The following BTC variants were observed in gnomAD, a reference collection of about 807,000 sequenced individuals.
BTC encodes the protein probetacellulin.
BTC carries 13 observed loss-of-function variants against 18.1 expected under a neutral mutation model. The ratio of observed to expected loss-of-function variants is 0.72; its 90% CI spans 0.47 to 1.14. The LOEUF (loss-of-function observed/expected upper bound fraction) is 1.14, where lower values mean the gene tolerates loss of function less well. BTC is among the 50% of genes most tolerant of loss of function. The pLI is 0.00. For synonymous variants in BTC, 83 were observed against 79.4 expected, an observed-to-expected ratio of 1.05 and a Z score of -0.24; for missense variants, 247 against 224.2, an observed-to-expected ratio of 1.10 and a Z score of -0.65.
chr4:74,777,666 A>G (rs72867585), intron 1 of BTC, among the ~76,000 whole-genome samples: 40,741 of 151,918 alleles, frequency 0.27, 8,039 homozygotes, highest in African/African-American at 0.56. Flanking sequence ...TAGAAATATG[A>G]CACCTTCTAC....
intron 2 of BTC, among the ~76,000 whole-genome samples, chr4:74,768,015 C>T (rs1264354710): frequency 1.3e-5 from 2 of 151,948 alleles, no homozygotes; most frequent in Non-Finnish European, 2.9e-5. Context: ...GTGACAAAAG[C>T]AAAATAAACA....
chr4:74,787,660 A>G (rs1474644061), intron 1 of BTC, among the ~76,000 whole-genome samples: 1 of 152,234 alleles, frequency 6.6e-6, no homozygotes, highest in Non-Finnish European at 1.5e-5. Flanking sequence ...ATCAATAAGC[A>G]TAAAAGCAGG....
At chr4:74,773,073 G>T (rs1725087308) in intron 1 of BTC, among the ~76,000 whole-genome samples, 1 of 152,228 alleles carries the variant, frequency 6.6e-6, no homozygotes, top group Admixed American at 6.5e-5. Flanking sequence ...AGCATGAGCT[G>T]CTCCTCTTCC....
At chr4:74,782,340 G>A (rs1254282582) in intron 1 of BTC, among the ~76,000 whole-genome samples, 1 of 152,202 alleles carries the variant, frequency 6.6e-6, no homozygotes, top group African/African-American at 2.4e-5. Context: ...CCGCTTATAA[G>A]TGAGAACAAT....
At chr4:74,746,842 A>G (rs548435785) in intron 5 of BTC, among the ~76,000 whole-genome samples, 167 bp from the exon 6 acceptor site, 1 of 152,310 alleles carries the variant, frequency 6.6e-6, no homozygotes, top group Non-Finnish European at 1.5e-5. Context: ...TACCAACCCC[A>G]TTAAGCTGCT....
intron 1 of BTC, among the ~76,000 whole-genome samples, chr4:74,776,319 G>C (rs1343517456): frequency 6.6e-6 from 1 of 151,776 alleles, no homozygotes; most frequent in Admixed American, 6.6e-5. Context: ...TGTTTTGCAG[G>C]ACCTGAAGAA....
intron 1 of BTC, among the ~76,000 whole-genome samples, chr4:74,779,781 A>G (rs1254798481): frequency 6.6e-6 from 1 of 152,124 alleles, no homozygotes; most frequent in African/African-American, 2.4e-5. Flanking sequence ...AAGCCCCAGA[A>G]CTTAAACCCT....
chr4:74,767,254 T>C (rs1724924974), intron 2 of BTC, among the ~76,000 whole-genome samples: 1 of 150,992 alleles, frequency 6.6e-6, no homozygotes, highest in Non-Finnish European at 1.5e-5. Context: ...GGATACAAAA[T>C]CAACATGAAA....
intron 2 of BTC, among the ~76,000 whole-genome samples, chr4:74,760,072 C>A (rs1724709022): frequency 6.6e-6 from 1 of 152,182 alleles, no homozygotes; most frequent in African/African-American, 2.4e-5. Flanking sequence ...CAGTGTTCAT[C>A]CAAATGTATT....
At chr4:74,788,969 G>A (rs1283055715) in intron 1 of BTC, among the ~76,000 whole-genome samples, 4 of 152,164 alleles carry the variant, frequency 2.6e-5, no homozygotes, top group South Asian at 4.1e-4. Flanking sequence ...AGTGTGTGTC[G>A]GGAGAGAGGG....
intron 1 of BTC, among the ~76,000 whole-genome samples, chr4:74,791,134 G>A (rs935018995): frequency 5.9e-5 from 9 of 152,042 alleles, no homozygotes; most frequent in Non-Finnish European, 1.3e-4. Flanking sequence ...TTGAGACCAG[G>A]AGTTTAAGAC....
intron 1 of BTC, among the ~76,000 whole-genome samples, chr4:74,789,896 A>G (rs1056898106): frequency 2.6e-5 from 4 of 152,252 alleles, no homozygotes; most frequent in African/African-American, 9.6e-5. Flanking sequence ...TGTGTCTGAT[A>G]TCAATGCTAG....
intron 1 of BTC, 78 bp downstream of exon 1, chr4:74,794,184 C>G: frequency 5.2e-6 from 8 of 1,524,702 alleles, no homozygotes; most frequent in South Asian, 1.2e-5. Flanking sequence ...GATGCCAGCT[C>G]GGTTCAGGGT....
chr4:74,777,247 C>T (rs897296140), intron 1 of BTC, among the ~76,000 whole-genome samples: 32 of 152,150 alleles, frequency 2.1e-4, no homozygotes, highest in African/African-American at 7.5e-4. Flanking sequence ...ACCTAACTTA[C>T]ATAGCCATGG....
chr4:74,789,404 CAA>C (rs1378476985), intron 1 of BTC, among the ~76,000 whole-genome samples: 2 of 152,136 alleles, frequency 1.3e-5, no homozygotes. Context: ...TGAATATTCA[CAA>C]AGTTAAAATA....
At chr4:74,747,969 G>A (rs979197949) in intron 5 of BTC, 71 bp downstream of exon 5, 6 of 686,312 alleles carry the variant, frequency 8.7e-6, no homozygotes, top group Admixed American at 8.7e-5. Flanking sequence ...TTTAGTAGAT[G>A]CAAGTAAGCC....
intron 1 of BTC, among the ~76,000 whole-genome samples, chr4:74,788,844 G>A (rs72855860): frequency 0.18 from 27,042 of 152,192 alleles, 3,965 homozygotes; most frequent in African/African-American, 0.41. Context: ...CTGCCATCTT[G>A]GCAAGGAGCT....
intron 2 of BTC, 90 bp from the exon 3 acceptor site, chr4:74,756,066 C>T: frequency 1.7e-6 from 2 of 1,174,258 alleles, no homozygotes; most frequent in South Asian, 1.2e-5. Flanking sequence ...GCCAGTTTCT[C>T]TGTAGAATAT....
chr4:74,759,910 A>G (rs1489426698), intron 2 of BTC, among the ~76,000 whole-genome samples: 2 of 152,158 alleles, frequency 1.3e-5, no homozygotes, highest in South Asian at 2.1e-4. Context: ...ATTTTCCTCA[A>G]TTTGACGGAT....
Sources: allele counts gnomAD v4.1 joint callset (sites outside exome capture counted in the v4.1 genomes callset), GRCh38; gene constraint gnomAD v4.1.1; transcripts MANE v1.5; gene names NCBI Gene and HGNC (gene_info 2026-07-23, HGNC 2026-07-21).